The following STARD9 variants were observed in gnomAD, a reference collection of about 807,000 sequenced individuals.
The protein encoded by STARD9 is stAR-related lipid transfer protein 9.
A neutral mutation model predicts 399.8 loss-of-function variants in STARD9; 346 were observed. That is an observed-to-expected ratio of 0.87 (90% CI 0.79 to 0.95). The LOEUF (loss-of-function observed/expected upper bound fraction) is 0.95, where lower values mean the gene tolerates loss of function less well. STARD9 is among the 40% of genes least tolerant of loss of function. The pLI, the probability that STARD9 is intolerant of heterozygous loss-of-function variation, is 0.00. For missense variants in STARD9, 5,832 were observed against 5,667.5 expected, an observed-to-expected ratio of 1.03 and a Z score of -0.93; for synonymous variants, 2,203 against 2,143.5, an observed-to-expected ratio of 1.03 and a Z score of -0.77.
intron 26 of STARD9, among the ~76,000 whole-genome samples, chr15:42,715,569 G>A (rs938042900): frequency 6.0e-5 from 9 of 149,738 alleles, no homozygotes; most frequent in Non-Finnish European, 7.4e-5. Flanking sequence ...TGCCCAGGCC[G>A]GAGTGCAGTG....
chr15:42,581,129 A>C, intron 1 of STARD9: 1 of 731,822 alleles, frequency 1.4e-6, no homozygotes, highest in Non-Finnish European at 2.6e-6. Flanking sequence ...GGAGAGTCAG[A>C]TGCCCATCTC....
intron 26 of STARD9, among the ~76,000 whole-genome samples, chr15:42,710,530 C>G (rs2061192447): frequency 6.6e-6 from 1 of 152,106 alleles, no homozygotes; most frequent in African/African-American, 2.4e-5. Flanking sequence ...ACTTTCTGTC[C>G]CCATGGATTT....
intron 16 of STARD9, chr15:42,671,730 A>G (rs1379758902): frequency 6.6e-6 from 1 of 152,260 alleles, no homozygotes; most frequent in Non-Finnish European, 1.5e-5. Context: ...GGGGGTTACT[A>G]TGAATTGAAG....
Position 42,693,465 on chromosome 15 carries a change from A to G in STARD9, c.11887A>G (p.Arg3963Gly), listed in dbSNP as rs1566950284. The change falls in exon 23 of 33, where the codon AGA becomes GGA. Residue 3963 changes from arginine (R) to glycine (G), a missense_variant. This residue lies in a region of STARD9 where 5,828 missense variants were observed against 5,651.1 expected (regional missense o/e 1.03). Coordinates refer to ENST00000290607, the MANE Select transcript of STARD9 (RefSeq NM_020759.3). The stretch of plus-strand genomic sequence containing the variant: ...CACTGACGAGTTAGGTGGCTCCCAG[A>G]GAGGTAGAAGTTCCTTACAAAGGAG... ...QTTDELGGSQ[R>G]GRSSLQRSNG... The G allele has an allele frequency of 1.4e-5, 22 of 1,537,224 alleles. No individual in the cohort carries two copies. The South Asian group carries it at 2.4e-4, about 17-fold the overall frequency.
chr15:42,614,965 A>G (rs952000593), intron 3 of STARD9, among the ~76,000 whole-genome samples: 23 of 152,042 alleles, frequency 1.5e-4, no homozygotes, highest in African/African-American at 5.5e-4. Flanking sequence ...ACTCCGTCTC[A>G]AAAAACAAAA....
intron 1 of STARD9, chr15:42,581,152 AC>A (rs1025319630): frequency 8.0e-6 from 6 of 748,894 alleles, no homozygotes; most frequent in Admixed American, 1.8e-5. Flanking sequence ...ACTGAGCATC[AC>A]CCCCCAGCTG....
intron 7 of STARD9, among the ~76,000 whole-genome samples, chr15:42,646,176 C>T (rs1595699802): frequency 6.6e-6 from 1 of 151,812 alleles, no homozygotes; most frequent in Non-Finnish European, 1.5e-5. Flanking sequence ...ACAACAACAA[C>T]AATAATAATA....
rs542925209 is a variant in STARD9, at chr15:42,684,463, G to A, written c.2885G>A (p.Arg962Lys). Residue 962 changes from arginine (R) to lysine (K), a missense_variant, in exon 23 of 33, where the codon AGG becomes AAG. This residue lies in a region of STARD9 where 5,828 missense variants were observed against 5,651.1 expected (regional missense o/e 1.03). Coordinates refer to ENST00000290607, the MANE Select transcript of STARD9 (RefSeq NM_020759.3). ...LRKSANKLKPRHEPKIFTSTT... is the reference protein window; with the variant it reads ...LRKSANKLKPKHEPKIFTSTT... ...AAATCAGCTAACAAACTAAAGCCAA[G>A]GCATGAGCCAAAGATCTTCACCTCT... 2 of 1,537,080 alleles carry A rather than the reference G, an allele frequency of 1.3e-6. No homozygotes were observed. Among genetic ancestry groups the A allele is most frequent in the East Asian group, 2.4e-5 (1 of 40,918 alleles).
In STARD9 at chr15:42,699,392, CT is replaced by C. The variant is rs34614271; in HGVS notation, c.13284+3532del. On this transcript the variant is annotated intron_variant, in intron 26 of 32. Coordinates refer to ENST00000290607, the MANE Select transcript of STARD9 (RefSeq NM_020759.3). Reference sequence around the variant, plus strand: ...TCTATGAGATCAACTTTTTTCTTTTCTTTTTTTTTTTTTTTTTTTTGAGATG... The same window carrying C: ...TCTATGAGATCAACTTTTTTCTTTTCTTTTTTTTTTTTTTTTTTTGAGATG... Among the ~76,000 whole-genome samples, 332 of 113,290 alleles carry C rather than the reference CT, an allele frequency of 2.9e-3. 1 individual carries two copies. The highest frequency in any genetic ancestry group is 6.1e-3 in the African/African-American group (150 of 24,554). 74.3% of individuals were successfully genotyped at this position (113,290 alleles called of 152,430 possible).
intron 26 of STARD9, among the ~76,000 whole-genome samples, chr15:42,701,322 G>C (rs1007542199): frequency 6.6e-6 from 1 of 152,154 alleles, no homozygotes; most frequent in Non-Finnish European, 1.5e-5. Context: ...TGAATCTGTA[G>C]ATTGCTTTGG....
In STARD9 at chr15:42,689,040, A is replaced by G. The variant is rs1280931075; in HGVS notation, c.7462A>G (p.Lys2488Glu). 2.0e-6 allele frequency: 3 copies of G among 1,537,146 alleles called. No individual in the cohort carries two copies. Among genetic ancestry groups the G allele is most frequent in the African/African-American group, 1.4e-5 (1 of 73,056 alleles). The change falls in exon 23 of 33, where the codon AAG (lysine) becomes GAG (glutamate). Residue 2488 changes from lysine to glutamate, a missense_variant. Coordinates refer to ENST00000290607, the MANE Select transcript of STARD9 (RefSeq NM_020759.3). ...GAACAAGGTCTCTAGCCAGCCTGAA[A>G]AGAGGGTCAGCTTCTCCTTGGAAGA... ...SLNKVSSQPE[K>E]RVSFSLEEDS...
chr15:42,580,309 TGC>T (rs1361990500), intron 1 of STARD9, among the ~76,000 whole-genome samples: 32 of 152,142 alleles, frequency 2.1e-4, no homozygotes, highest in Non-Finnish European at 3.2e-4. Context: ...CATTCCCCCC[TGC>T]TAGTTTTAAA....
intron 3 of STARD9, among the ~76,000 whole-genome samples, chr15:42,617,817 G>A (rs1202740279): frequency 6.6e-6 from 1 of 152,086 alleles, no homozygotes; most frequent in Non-Finnish European, 1.5e-5. Context: ...GCAGTGGCAC[G>A]ATTATAGCCC....
chr15:42,687,873 T>A lies in STARD9; in HGVS notation c.6295T>A (p.Phe2099Ile). 6.5e-7 allele frequency: 1 copy of A among 1,537,210 alleles called. No homozygotes were observed. Among genetic ancestry groups the A allele is most frequent in the African/African-American group, 1.4e-5 (1 of 73,160 alleles). The stretch of plus-strand genomic sequence containing the variant: ...GGAGCAGGAGAAGACTGACCATGCC[T>A]TTAGGCCAGACAGCTCTGGAAACCC... ...QKEQEKTDHA[F>I]RPDSSGNPLP... is the part of the protein sequence containing the mutation. Residue 2099 changes from phenylalanine to isoleucine, a missense_variant, in exon 23 of 33, where the codon TTT becomes ATT. Phe to Ile is a conservative substitution (Grantham distance 21). Around this residue, in one of 2 missense-constraint regions of STARD9, gnomAD observed 5,828 missense variants for 5,651.1 expected, o/e 1.03. Transcript: ENST00000290607.
At chr15:42,695,674 G>A (rs948847350) in intron 25 of STARD9, 69 bp from the exon 26 acceptor site, 2 of 1,489,222 alleles carry the variant, frequency 1.3e-6, no homozygotes, top group Non-Finnish European at 1.8e-6. Flanking sequence ...GCTTTGGGTA[G>A]GAAAAGGCGT....
In STARD9 at chr15:42,690,978, C is replaced by G; in HGVS notation, c.9400C>G (p.Pro3134Ala). The change falls in exon 23 of 33, where the codon CCA becomes GCA. Residue 3134 changes from proline (P) to alanine (A), a missense_variant. Pro to Ala is a conservative substitution (Grantham distance 27). Transcript: ENST00000290607. ...NAQVCQTNPE[P>A]PATTQGPHTL... ...ACAGGTGTGTCAAACCAATCCAGAA[C>G]CACCTGCAACAACTCAGGGACCACA... is the stretch of plus-strand genomic sequence containing the variant. 6.5e-7 allele frequency: 1 copy of G among 1,537,228 alleles called. No homozygotes were observed. The highest frequency in any genetic ancestry group is 8.7e-7 in the Non-Finnish European group (1 of 1,146,916).
rs763484090 is a variant in STARD9 at position 42,607,194 on chromosome 15, C to CTTT, written c.234+21581_234+21583dup. Among the ~76,000 whole-genome samples the CTTT allele has an allele frequency of 1.3e-4, 5 of 39,258 alleles. 1 individual carries two copies. Among genetic ancestry groups the CTTT allele is most frequent in the Admixed American group, 5.1e-4 (1 of 1,968 alleles). 25.8% of individuals were successfully genotyped at this position (39,258 alleles called of 152,430 possible). On this transcript the variant is annotated intron_variant, in intron 3 of 32. Coordinates refer to ENST00000290607, the MANE Select transcript of STARD9 (RefSeq NM_020759.3). ...AGCACAACCCTGCATTTTTCTGGTG[C>CTTT]TTTTTTTTTTTTTTTTTTTTTTTTT...
rs1201130841 is a variant in STARD9 at position 42,684,696 on chromosome 15, G to A, written c.3118G>A (p.Ala1040Thr). 2 of 1,537,098 alleles carry A rather than the reference G, an allele frequency of 1.3e-6. No individual in the cohort carries two copies. The highest frequency in any genetic ancestry group is 1.7e-6 in the Non-Finnish European group (2 of 1,146,898). Residue 1040 changes from alanine to threonine, a missense_variant, in exon 23 of 33, where the codon GCA becomes ACA. Physicochemically the swap from Ala to Thr is moderately conservative, Grantham distance 58 (BLOSUM62 0). Coordinates refer to ENST00000290607, the MANE Select transcript of STARD9 (RefSeq NM_020759.3). Reference sequence around the variant, plus strand: ...ATACAAACCACCTTCTCCAAGCAGGGCATCAAAAAGGCATCAGAGGGTTCT... The same window carrying A: ...ATACAAACCACCTTCTCCAAGCAGGACATCAAAAAGGCATCAGAGGGTTCT... ...TEYKPPSPSR[A>T]SKRHQRVLAT...
intron 3 of STARD9, among the ~76,000 whole-genome samples, chr15:42,609,596 C>T (rs374660788): frequency 5.0e-4 from 76 of 151,958 alleles, no homozygotes; most frequent in African/African-American, 1.7e-3. Context: ...CGCGCCACCA[C>T]GCCCAGCTAA....
Sources: allele counts gnomAD v4.1 joint callset (sites outside exome capture counted in the v4.1 genomes callset), GRCh38; gene constraint gnomAD v4.1.1; regional missense constraint gnomAD v4.1.1; transcripts MANE v1.5; gene names NCBI Gene and HGNC (gene_info 2026-07-23, HGNC 2026-07-21).